The following LYPD6B variants were observed in gnomAD, a reference collection of about 807,000 sequenced individuals.
The protein encoded by LYPD6B is ly6/PLAUR domain-containing protein 6B.
A neutral mutation model predicts 22.8 loss-of-function variants in LYPD6B; 17 were observed. The ratio of observed to expected loss-of-function variants is 0.75; its 90% CI spans 0.51 to 1.12. The LOEUF is 1.12. Ranked by LOEUF, LYPD6B falls within the 50% of genes most tolerant of loss-of-function variation. The pLI, the probability that LYPD6B is intolerant of heterozygous loss-of-function variation, is 0.00. For synonymous variants in LYPD6B, 106 were observed against 91.6 expected (o/e 1.16, Z -0.90); for missense variants, 221 against 258.3 (o/e 0.86, Z 0.99).
At chr2:149,085,663 A>G (rs74357222) in intron 1 of LYPD6B, among the ~76,000 whole-genome samples, 83 of 152,346 alleles carry the variant, frequency 5.4e-4, no homozygotes, top group African/African-American at 1.9e-3. Context: ...GTTCTCTTTA[A>G]GAATCAACAT....
At chr2:149,048,452 G>C (rs905026618) in intron 1 of LYPD6B, among the ~76,000 whole-genome samples, 17 of 152,188 alleles carry the variant, frequency 1.1e-4, no homozygotes, top group African/African-American at 4.1e-4. Context: ...TGGTCTTCCT[G>C]TGGTACTGGG....
At chr2:149,060,597 G>T (rs968156193) in intron 1 of LYPD6B, among the ~76,000 whole-genome samples, 6 of 152,150 alleles carry the variant, frequency 3.9e-5, no homozygotes, top group African/African-American at 1.2e-4. Flanking sequence ...CTGAGACCTG[G>T]CTGGACATGC....
intron 1 of LYPD6B, among the ~76,000 whole-genome samples, chr2:149,046,217 T>G (rs115989685): frequency 0.017 from 2,581 of 152,230 alleles, 57 homozygotes; most frequent in African/African-American, 0.058. Context: ...TACTCCAGCT[T>G]TTTTTGGATT....
intron 1 of LYPD6B, among the ~76,000 whole-genome samples, chr2:149,071,777 A>C (rs965175298): frequency 1.8e-4 from 28 of 152,348 alleles, no homozygotes; most frequent in African/African-American, 6.5e-4. Context: ...AGACCAGGGA[A>C]TCAAAGAGCC....
intron 2 of LYPD6B, among the ~76,000 whole-genome samples, chr2:149,158,753 T>C (rs138385728): frequency 7.2e-5 from 11 of 152,354 alleles, no homozygotes; most frequent in South Asian, 2.1e-4. Flanking sequence ...TTGAGACTTA[T>C]ACACATACAA....
intron 2 of LYPD6B, chr2:149,131,286 C>T: frequency 4.0e-6 from 1 of 250,102 alleles, no homozygotes; most frequent in Non-Finnish European, 7.6e-6. Flanking sequence ...AGGTTGCCAG[C>T]ATGAAAGTGC....
At chr2:149,080,977 C>T (rs1051126530) in intron 1 of LYPD6B, among the ~76,000 whole-genome samples, 1 of 151,332 alleles carries the variant, frequency 6.6e-6, no homozygotes, top group African/African-American at 2.4e-5. Flanking sequence ...TATATGAAGT[C>T]AGTTTAAGTC....
intron 1 of LYPD6B, among the ~76,000 whole-genome samples, chr2:149,100,898 A>G (rs1178458143): frequency 6.6e-6 from 1 of 152,226 alleles, no homozygotes; most frequent in Non-Finnish European, 1.5e-5. Flanking sequence ...CTGTGCTAAT[A>G]TAACCCAGCC....
At chr2:149,063,554 TA>T (rs1236880703) in intron 1 of LYPD6B, among the ~76,000 whole-genome samples, 1 of 152,268 alleles carries the variant, frequency 6.6e-6, no homozygotes, top group Admixed American at 6.5e-5. Context: ...TTTGGGTTTT[TA>T]CTTTGAGTTG....
At chr2:149,150,157 C>A (rs1689280295) in intron 2 of LYPD6B, among the ~76,000 whole-genome samples, 1 of 152,178 alleles carries the variant, frequency 6.6e-6, no homozygotes, top group Non-Finnish European at 1.5e-5. Flanking sequence ...CATATGTAAA[C>A]CTCATTGCTA....
At chr2:149,196,037 A>G (rs1285270972) in intron 3 of LYPD6B, among the ~76,000 whole-genome samples, 1 of 152,206 alleles carries the variant, frequency 6.6e-6, no homozygotes, top group African/African-American at 2.4e-5. Context: ...CATGAACCGT[A>G]TCGTGAACCA....
At chr2:149,192,097 A>G (rs1376692132) in intron 3 of LYPD6B, among the ~76,000 whole-genome samples, 1 of 78,116 alleles carries the variant, frequency 1.3e-5, no homozygotes, top group Non-Finnish European at 3.7e-5. Flanking sequence ...CTATGCTATC[A>G]TCCTGCTCCA....
chr2:149,098,826 C>A (rs1209255870), intron 1 of LYPD6B, among the ~76,000 whole-genome samples: 1 of 148,606 alleles, frequency 6.7e-6, no homozygotes, highest in South Asian at 2.1e-4. Flanking sequence ...TGCATGATGA[C>A]GGGACTTTGA....
intron 1 of LYPD6B, among the ~76,000 whole-genome samples, chr2:149,052,181 C>T (rs536023507): frequency 3.3e-5 from 5 of 151,898 alleles, no homozygotes; most frequent in Non-Finnish European, 7.4e-5. Flanking sequence ...CTCAGCCTCC[C>T]GAGTAGCTGG....
chr2:149,146,834 C>A (rs73017051), intron 2 of LYPD6B, among the ~76,000 whole-genome samples: 1 of 152,180 alleles, frequency 6.6e-6, no homozygotes, highest in Non-Finnish European at 1.5e-5. Flanking sequence ...AAGACCCTTG[C>A]GCTTACCTGC....
intron 1 of LYPD6B, among the ~76,000 whole-genome samples, chr2:149,054,674 A>G (rs1683708122): frequency 6.6e-6 from 1 of 152,178 alleles, no homozygotes; most frequent in Non-Finnish European, 1.5e-5. Flanking sequence ...TTAGAAATTC[A>G]AGACCAGCTT....
intron 1 of LYPD6B, among the ~76,000 whole-genome samples, chr2:149,114,583 G>C (rs1352288899): frequency 1.3e-5 from 2 of 152,178 alleles, no homozygotes; most frequent in Non-Finnish European, 2.9e-5. Flanking sequence ...CATGAAGGGG[G>C]TTCACACACT....
chr2:149,128,509 A>C (rs116340396), intron 1 of LYPD6B, among the ~76,000 whole-genome samples: 1 of 152,216 alleles, frequency 6.6e-6, no homozygotes, highest in Non-Finnish European at 1.5e-5. Flanking sequence ...GAGTCTCACA[A>C]GGATGGAAGT....
chr2:149,062,405 G>A (rs1014897377), intron 1 of LYPD6B, among the ~76,000 whole-genome samples: 2 of 152,194 alleles, frequency 1.3e-5, no homozygotes, highest in African/African-American at 4.8e-5. Context: ...GATGATGGCA[G>A]TGCTTTCTCT....
Sources: gnomAD v4.1 joint callset for allele counts (sites outside exome capture counted in the v4.1 genomes callset) on GRCh38, gnomAD v4.1.1 for gene constraint, MANE v1.5 for transcripts, NCBI Gene and HGNC (gene_info 2026-07-23, HGNC 2026-07-21) for gene names.